GALNT13: variants seen among roughly 807,000 people sequenced by gnomAD.
The protein encoded by GALNT13 is UDP-GalNAc:polypeptide N-acetylgalactosaminyltransferase 13.
In GALNT13, 28 loss-of-function variants were observed where a neutral mutation model predicts 64.2. That is an observed-to-expected ratio of 0.44 (90% CI 0.32 to 0.60). The LOEUF (loss-of-function observed/expected upper bound fraction) is 0.60, where lower values mean the gene tolerates loss of function less well. Ranked by LOEUF, GALNT13 falls within the 20% of genes least tolerant of loss-of-function variation. The pLI, the probability that GALNT13 is intolerant of heterozygous loss-of-function variation, is 0.05. For synonymous variants in GALNT13, 214 were observed against 224.6 expected (o/e 0.95, Z 0.42); for missense variants, 577 against 669.8 (o/e 0.86, Z 1.53).
the GALNT13 span, among the ~76,000 whole-genome samples, chr2:153,172,938 GAA>G: frequency 6.6e-6 from 1 of 152,098 alleles, no homozygotes; most frequent in African/African-American, 2.4e-5. Context: ...TTTACTAACT[GAA>G]TGTCTAAGGC....
At chr2:154,367,543 T>A (rs1697439553) in intron 9 of GALNT13, among the ~76,000 whole-genome samples, 1 of 152,130 alleles carries the variant, frequency 6.6e-6, no homozygotes, top group Admixed American at 6.6e-5. Context: ...TTTTTTAATA[T>A]TATGTACCAT....
intron 4 of GALNT13, among the ~76,000 whole-genome samples, chr2:154,206,850 G>A (rs1272699612): frequency 1.3e-5 from 2 of 151,508 alleles, no homozygotes; most frequent in Non-Finnish European, 2.9e-5. Context: ...TAAGTCTAAG[G>A]TCAAGAACAT....
chr2:154,319,484 G>A (rs900154654), intron 9 of GALNT13, among the ~76,000 whole-genome samples: 2 of 152,006 alleles, frequency 1.3e-5, no homozygotes, highest in South Asian at 2.1e-4. Context: ...TGGGCAACGT[G>A]GTGAAACCCC....
the GALNT13 span, among the ~76,000 whole-genome samples, chr2:153,587,682 G>A: frequency 1.6e-4 from 25 of 152,262 alleles, no homozygotes; most frequent in African/African-American, 5.5e-4. Context: ...TGAGATTTGG[G>A]TAGGGACACA....
the GALNT13 span, among the ~76,000 whole-genome samples, chr2:153,777,827 G>A: frequency 0.33 from 50,478 of 151,908 alleles, 8,805 homozygotes; most frequent in Non-Finnish European, 0.36. Context: ...TTAGCCATCC[G>A]TAGGTGGCTT....
At chr2:153,500,081 C>A in the GALNT13 span, among the ~76,000 whole-genome samples, 1 of 152,188 alleles carries the variant, frequency 6.6e-6, no homozygotes, top group Admixed American at 6.5e-5. Flanking sequence ...TGCCATCAAT[C>A]CCTCATGTGA....
chr2:153,752,869 C>A, the GALNT13 span, among the ~76,000 whole-genome samples: 1 of 152,106 alleles, frequency 6.6e-6, no homozygotes, highest in Admixed American at 6.6e-5. Context: ...CTCTTTAAGG[C>A]CAATAACTCT....
the GALNT13 span, among the ~76,000 whole-genome samples, chr2:153,292,189 C>G: frequency 2.0e-5 from 3 of 151,980 alleles, no homozygotes; most frequent in Non-Finnish European, 4.4e-5. Context: ...GGATGTGAAC[C>G]ATTAGCTGTT....
rs553195946 is a variant in GALNT13, at chr2:153,906,099, C to T, written c.-105+5092C>T. On this transcript the variant is annotated intron_variant, in intron 2 of 12. Transcript: ENST00000392825. ...TTTAATATTTTTGGACCACAGTTGACGATGAGTAACTGGAACCATGGAAGG... is the reference window on the plus strand; with the variant it reads ...TTTAATATTTTTGGACCACAGTTGATGATGAGTAACTGGAACCATGGAAGG... 1.6e-4 allele frequency among the ~76,000 whole-genome samples: 24 copies of T among 151,520 alleles called. 1 individual carries two copies. Among genetic ancestry groups the T allele is most frequent in the African/African-American group, 4.4e-4 (18 of 41,338 alleles).
intron 3 of GALNT13, among the ~76,000 whole-genome samples, chr2:153,960,276 C>T (rs933055066): frequency 1.3e-5 from 2 of 152,226 alleles, no homozygotes; most frequent in Non-Finnish European, 2.9e-5. Context: ...CACCCACTGC[C>T]ATCTTCTGTC....
the GALNT13 span, among the ~76,000 whole-genome samples, chr2:153,168,996 A>G: frequency 2.1e-3 from 286 of 138,316 alleles, 1 homozygote; most frequent in African/African-American, 7.6e-3. Flanking sequence ...CTCTAGCAAC[A>G]AAGTTGGAAC....
At chr2:153,639,080 TTTTGG>T in the GALNT13 span, among the ~76,000 whole-genome samples, 1 of 119,932 alleles carries the variant, frequency 8.3e-6, no homozygotes, top group Non-Finnish European at 1.8e-5. Context: ...TTTTGTTTTG[TTTTGG>T]TCAGGCACTG....
At chr2:154,364,680 GTTTT>G (rs1697265187) in intron 9 of GALNT13, among the ~76,000 whole-genome samples, 2 of 150,574 alleles carry the variant, frequency 1.3e-5, no homozygotes, top group Non-Finnish European at 3.0e-5. Context: ...GTTTTGTTTT[GTTTT>G]GTTTTGAGAC....
At position 154,450,984 on chromosome 2, in the gene GALNT13, T is replaced by C. The variant is rs2105509583; in HGVS notation, c.*433T>C. 1 of 154,826 alleles carries C rather than the reference T, an allele frequency of 6.5e-6. No homozygotes were observed. The highest frequency in any genetic ancestry group is 6.3e-5 in the Admixed American group (1 of 15,776). The allele number at this position is 154,826 out of a possible 1,614,324, so 9.6% of individuals were successfully genotyped here. A position where few individuals can be genotyped will look rare whatever the true frequency, so the allele number is the denominator to read the frequency against. On this transcript the variant is annotated 3_prime_UTR_variant, in exon 13 of 13. Coordinates refer to ENST00000392825, the MANE Select transcript of GALNT13 (RefSeq NM_052917.4). ...TTTTTATGGATCCTTCATGGAAACA[T>C]GTTTGATTTCTGTGTCTACAACAGG...
chr2:154,363,337 C>A (rs1332905584), intron 9 of GALNT13, among the ~76,000 whole-genome samples: 5 of 152,206 alleles, frequency 3.3e-5, no homozygotes, highest in Admixed American at 3.3e-4. Flanking sequence ...TGAATTATGT[C>A]TATAGCATTT....
chr2:153,993,695 CAA>C (rs5835495), intron 3 of GALNT13, among the ~76,000 whole-genome samples: 10 of 105,138 alleles, frequency 9.5e-5, no homozygotes, highest in African/African-American at 7.3e-5. Context: ...GACTCCATCT[CAA>C]AAAAAAAAAA....
At chr2:154,113,875 G>T (rs1703127221) in intron 3 of GALNT13, among the ~76,000 whole-genome samples, 1 of 152,228 alleles carries the variant, frequency 6.6e-6, no homozygotes, top group African/African-American at 2.4e-5. Flanking sequence ...TTATGGACAG[G>T]AATGGAGAAG....
chr2:154,017,454 A>C (rs6435010), intron 3 of GALNT13, among the ~76,000 whole-genome samples: 59,305 of 151,974 alleles, frequency 0.39, 14,608 homozygotes, highest in Non-Finnish European at 0.55. Flanking sequence ...TAAAATGAAG[A>C]CTACTCTTTG....
chr2:153,267,472 C>T, the GALNT13 span, among the ~76,000 whole-genome samples: 1 of 152,188 alleles, frequency 6.6e-6, no homozygotes, highest in South Asian at 2.1e-4. Context: ...GCAGGCCCAA[C>T]ACCACCTGGA....
Sources: gnomAD v4.1 joint callset for allele counts (sites outside exome capture counted in the v4.1 genomes callset) on GRCh38, gnomAD v4.1.1 for gene constraint, MANE v1.5 for transcripts, NCBI Gene and HGNC (gene_info 2026-07-23, HGNC 2026-07-21) for gene names.